BCL7C: variants seen among roughly 807,000 people sequenced by gnomAD.
BCL7C encodes BAF chromatin remodeling complex subunit BCL7C, also known as B-cell CLL/lymphoma 7 protein family member C.
A neutral mutation model predicts 26.2 loss-of-function variants in BCL7C; 8 were observed. The observed-to-expected ratio is 0.30, with a 90% confidence interval of 0.18 to 0.55. BCL7C has a LOEUF of 0.55. Ranked by LOEUF, BCL7C falls within the 20% of genes least tolerant of loss-of-function variation. The pLI is 0.93. For synonymous variants in BCL7C, 90 were observed against 116.5 expected (o/e 0.77, Z 1.47); for missense variants, 262 against 298.5 (o/e 0.88, Z 0.90).
At chr16:30,847,351 A>G (rs993440745) in intron 5 of BCL7C, among the ~76,000 whole-genome samples, 2 of 152,192 alleles carry the variant, frequency 1.3e-5, no homozygotes, top group African/African-American at 4.8e-5. Context: ...TGTGAGTGGA[A>G]GTAGCCTGAT....
chr16:30,892,520 G>GGTATAGGGATGA, intron 4 of BCL7C, 66 bp downstream of exon 4: 1 of 1,483,242 alleles, frequency 6.7e-7, no homozygotes, highest in Non-Finnish European at 9.0e-7. Flanking sequence ...GGGATGAGCT[G>GGTATAGGGATGA]GTAGGTTAGA....
At chr16:30,852,555 G>T (rs1428143550) in intron 5 of BCL7C, among the ~76,000 whole-genome samples, 2 of 146,540 alleles carry the variant, frequency 1.4e-5, no homozygotes, top group Non-Finnish European at 3.0e-5. Context: ...GCAGTATTGT[G>T]ATCTCGGCTC....
intron 5 of BCL7C, among the ~76,000 whole-genome samples, chr16:30,879,799 C>G (rs934320506): frequency 6.7e-6 from 1 of 150,110 alleles, no homozygotes; most frequent in Non-Finnish European, 1.5e-5. Flanking sequence ...ACCATCCTGG[C>G]TAAAATGGTG....
intron 5 of BCL7C, among the ~76,000 whole-genome samples, chr16:30,880,925 C>T (rs114527532): frequency 0.012 from 1,881 of 152,160 alleles, 49 homozygotes; most frequent in African/African-American, 0.043. Context: ...TAGTCTTAAA[C>T]TTCTGGACTC....
At chr16:30,835,201 C>CT in intron 5 of BCL7C, 1 of 1,396,090 alleles carries the variant, frequency 7.2e-7, no homozygotes, top group African/African-American at 1.5e-5. Context: ...CCCCACCTCA[C>CT]TGAGTTTCCA....
intron 5 of BCL7C, among the ~76,000 whole-genome samples, chr16:30,841,589 TGACA>T (rs1358736316): frequency 2.6e-5 from 4 of 152,188 alleles, no homozygotes; most frequent in Non-Finnish European, 5.9e-5. Flanking sequence ...AACAGCTGAC[TGACA>T]ATTACCCGAC....
chr16:30,888,803 G>A, intron 5 of BCL7C, 57 bp downstream of exon 5: 1 of 1,549,816 alleles, frequency 6.5e-7, no homozygotes, highest in Non-Finnish European at 8.9e-7. Context: ...GCCTTCGACT[G>A]CCCAGATCCC....
intron 5 of BCL7C, among the ~76,000 whole-genome samples, chr16:30,874,338 C>T (rs1424448756): frequency 3.9e-5 from 6 of 152,034 alleles, no homozygotes; most frequent in African/African-American, 1.4e-4. Flanking sequence ...AAAGGGTAGC[C>T]AGGTGCGGTG....
chr16:30,866,455 T>C (rs1207296196), intron 5 of BCL7C, among the ~76,000 whole-genome samples: 1 of 151,816 alleles, frequency 6.6e-6, no homozygotes, highest in Non-Finnish European at 1.5e-5. Context: ...CACGCACCTG[T>C]AGTCCCAGCT....
intron 5 of BCL7C, chr16:30,851,478 G>C (rs748317516): frequency 4.5e-6 from 1 of 221,994 alleles, no homozygotes; most frequent in Non-Finnish European, 9.0e-6. Flanking sequence ...GACCTCAAGT[G>C]ATCCGTCCAC....
chr16:30,839,799 T>C (rs2054590975), intron 5 of BCL7C, among the ~76,000 whole-genome samples: 1 of 152,236 alleles, frequency 6.6e-6, no homozygotes. Flanking sequence ...GTCACACCCA[T>C]ACAGTGGGAC....
At chr16:30,881,082 G>A (rs1237158232) in intron 5 of BCL7C, among the ~76,000 whole-genome samples, 2 of 152,064 alleles carry the variant, frequency 1.3e-5, no homozygotes, top group Non-Finnish European at 2.9e-5. Flanking sequence ...ACCTGTGAAT[G>A]AATACTGGGC....
chr16:30,855,147 G>A (rs2054708866), intron 5 of BCL7C, among the ~76,000 whole-genome samples: 1 of 152,140 alleles, frequency 6.6e-6, no homozygotes, highest in Non-Finnish European at 1.5e-5. Context: ...TCATCATGGT[G>A]CTGAGAGAGC....
chr16:30,862,781 T>C (rs1426731416), intron 5 of BCL7C, among the ~76,000 whole-genome samples: 1 of 152,148 alleles, frequency 6.6e-6, no homozygotes, highest in Non-Finnish European at 1.5e-5. Flanking sequence ...CACCTTTGGA[T>C]ACCTGGTTTT....
At chr16:30,835,991 G>T (rs1470113101) in intron 5 of BCL7C, among the ~76,000 whole-genome samples, 1 of 151,922 alleles carries the variant, frequency 6.6e-6, no homozygotes, top group Non-Finnish European at 1.5e-5. Flanking sequence ...GGTGGCTCAC[G>T]CCTGTAATCC....
chr16:30,858,326 G>A (rs1416789399), intron 5 of BCL7C, among the ~76,000 whole-genome samples: 1 of 152,164 alleles, frequency 6.6e-6, no homozygotes, highest in Non-Finnish European at 1.5e-5. Context: ...GAAGGTCCTT[G>A]CAGCATAAAT....
At chr16:30,874,192 C>T (rs1358475524) in intron 5 of BCL7C, among the ~76,000 whole-genome samples, 1 of 151,884 alleles carries the variant, frequency 6.6e-6, no homozygotes, top group African/African-American at 2.4e-5. Flanking sequence ...GACAGGGTTT[C>T]ACCATGTTGG....
intron 5 of BCL7C, among the ~76,000 whole-genome samples, chr16:30,843,255 AC>A (rs1211518724): frequency 2.6e-5 from 4 of 152,206 alleles, no homozygotes; most frequent in Admixed American, 2.6e-4. Flanking sequence ...GGAGAGGAAG[AC>A]AATGTAGCAA....
intron 5 of BCL7C, among the ~76,000 whole-genome samples, chr16:30,862,245 C>A (rs2054782582): frequency 6.6e-6 from 1 of 152,136 alleles, no homozygotes; most frequent in East Asian, 1.9e-4. Flanking sequence ...TATTTCTGGG[C>A]TACAGCCACA....
Sources: gnomAD v4.1 joint callset for allele counts (sites outside exome capture counted in the v4.1 genomes callset) on GRCh38, gnomAD v4.1.1 for gene constraint, MANE v1.5 for transcripts, NCBI Gene and HGNC (gene_info 2026-07-23, HGNC 2026-07-21) for gene names.